ETFB: variants seen among roughly 807,000 people sequenced by gnomAD.
ETFB encodes the protein electron transfer flavoprotein subunit beta.
ETFB carries 20 observed loss-of-function variants against 25.6 expected under a neutral mutation model. The ratio of observed to expected loss-of-function variants is 0.78; its 90% CI spans 0.55 to 1.14. The LOEUF (loss-of-function observed/expected upper bound fraction) is 1.14, where lower values mean the gene tolerates loss of function less well. Ranked by LOEUF, ETFB falls within the 50% of genes most tolerant of loss-of-function variation. The pLI is 0.00. For synonymous variants in ETFB, 142 were observed against 146.7 expected, an observed-to-expected ratio of 0.97 and a Z score of 0.23; for missense variants, 286 against 342.6, an observed-to-expected ratio of 0.83 and a Z score of 1.30.
chr19:51,346,770 A>C (rs1413785211), intron 5 of ETFB, 130 bp downstream of exon 5: 4 of 873,922 alleles, frequency 4.6e-6, no homozygotes, highest in Non-Finnish European at 7.0e-6. Context: ...GCCAAACTCC[A>C]GGTGACGGCT....
chr19:51,363,551 C>T (rs1357418904), intron 1 of ETFB, among the ~76,000 whole-genome samples: 4 of 152,048 alleles, frequency 2.6e-5, no homozygotes, highest in East Asian at 3.9e-4. Context: ...CAGGTTCAAG[C>T]GATTCTCCTG....
At chr19:51,364,107 A>G (rs892004984) in intron 1 of ETFB, among the ~76,000 whole-genome samples, 19 of 151,982 alleles carry the variant, frequency 1.3e-4, no homozygotes, top group African/African-American at 4.3e-4. Context: ...GGCTGGGTAG[A>G]GGTGGGCTGA....
intron 1 of ETFB, among the ~76,000 whole-genome samples, chr19:51,361,994 G>A (rs565508963): frequency 6.6e-6 from 1 of 151,982 alleles, no homozygotes; most frequent in East Asian, 1.9e-4. Flanking sequence ...GAGCCACCAG[G>A]CCCAGCCTTT....
At chr19:51,354,716 C>A in intron 1 of ETFB, 1 of 1,551,518 alleles carries the variant, frequency 6.4e-7, no homozygotes, top group Non-Finnish European at 8.8e-7. Flanking sequence ...AAAGGAAAAA[C>A]CAGTTAGGTA....
rs559772565 is a variant in ETFB, at chr19:51,351,684, T to C, written c.376-1293A>G. 2.0e-5 allele frequency among the ~76,000 whole-genome samples: 3 copies of C among 152,362 alleles called. No homozygotes were observed. In the East Asian group the frequency reaches 5.8e-4, roughly 29 times the overall value. On this transcript the variant is annotated intron_variant, in intron 3 of 5. Transcript: ENST00000309244. ...GCCCTTCGGCCACAGTTGACTGATCTGTACTCTGATGCCCCTGCTGTTGAT... is the reference window on the plus strand; with the variant it reads ...GCCCTTCGGCCACAGTTGACTGATCCGTACTCTGATGCCCCTGCTGTTGAT...
intron 4 of ETFB, among the ~76,000 whole-genome samples, chr19:51,349,955 C>G (rs769600748): frequency 1.6e-4 from 25 of 152,034 alleles, no homozygotes; most frequent in South Asian, 4.2e-4. Flanking sequence ...ACATGTTGAC[C>G]AGGCTGGTCT....
chr19:51,356,618 A>T (rs1030436816), intron 1 of ETFB: 14 of 152,150 alleles, frequency 9.2e-5, no homozygotes, highest in African/African-American at 3.4e-4. Context: ...GATCCTGGGG[A>T]CACCATCATG....
intron 1 of ETFB, among the ~76,000 whole-genome samples, chr19:51,360,128 G>A (rs992019131): frequency 6.6e-5 from 10 of 151,946 alleles, no homozygotes; most frequent in East Asian, 1.9e-4. Flanking sequence ...AAAGCTGGGC[G>A]TGGCGGCTCA....
At chr19:51,349,648 T>A (rs1422246207) in intron 4 of ETFB, among the ~76,000 whole-genome samples, 1 of 151,958 alleles carries the variant, frequency 6.6e-6, no homozygotes, top group Non-Finnish European at 1.5e-5. Flanking sequence ...TCTAACTATG[T>A]TGCCAAGGCT....
At chr19:51,361,593 G>A (rs973507767) in intron 1 of ETFB, 4 of 152,076 alleles carry the variant, frequency 2.6e-5, no homozygotes, top group African/African-American at 7.2e-5. Context: ...GTTGGGCCCC[G>A]AGATGGAAAC....
intron 4 of ETFB, among the ~76,000 whole-genome samples, chr19:51,349,695 G>C (rs1169122389): frequency 6.6e-6 from 1 of 151,832 alleles, no homozygotes; most frequent in African/African-American, 2.4e-5. Flanking sequence ...TCCTCCCACC[G>C]TGGCCTCCCA....
At chr19:51,350,259 C>T (rs1985899153) in intron 4 of ETFB, 70 bp downstream of exon 4, 12 of 1,549,216 alleles carry the variant, frequency 7.7e-6, no homozygotes, top group Non-Finnish European at 7.9e-6. Flanking sequence ...ATGCAAAGGC[C>T]TTGAGGCAGA....
Position 51,366,289 on chromosome 19 carries a change from AC to A in ETFB, c.37del (p.Val13SerfsTer6). The part of the protein sequence containing the change: ...ELRVLVAVKR[V>X]IDYAVKIRVK... ...GATCACCTTCACGGCGTAGTCGATGACCCTCTTGACAGCTACGAGCACGCGC... is the reference window on the plus strand; with the variant it reads ...GATCACCTTCACGGCGTAGTCGATGACCTCTTGACAGCTACGAGCACGCGC... On this transcript the variant is annotated frameshift_variant, in exon 1 of 6. Coordinates refer to ENST00000309244, the MANE Select transcript of ETFB (RefSeq NM_001985.3). LOFTEE classifies it high-confidence loss of function. 1 of 1,613,456 alleles carries A rather than the reference AC, an allele frequency of 6.2e-7. No individual in the cohort carries two copies. Among genetic ancestry groups the A allele is most frequent in the South Asian group, 1.1e-5 (1 of 91,044 alleles).
intron 3 of ETFB, among the ~76,000 whole-genome samples, chr19:51,351,394 C>A (rs938287681): frequency 3.3e-5 from 5 of 152,240 alleles, no homozygotes; most frequent in Non-Finnish European, 7.3e-5. Flanking sequence ...CCCTGATTTA[C>A]GTGAGATAAT....
Position 51,350,386 on chromosome 19 carries a change from G to T in ETFB, c.381C>A (p.Ile127=). ...GCCCTGTCTGGTTACAGTCATCATC[G>T]ATGGCCTGAATGGGGAGAGACAGAA... ...VDLVLLGKQA[I]DDDCNQTGQM... The change falls in exon 4 of 6, where the codon ATC becomes ATA. Residue 127 remains isoleucine (I), a synonymous_variant. Transcript: ENST00000309244. The T allele has an allele frequency of 6.7e-7, 1 of 1,497,970 alleles. No individual in the cohort carries two copies. Among genetic ancestry groups the T allele is most frequent in the Non-Finnish European group, 9.3e-7 (1 of 1,077,140 alleles). 92.8% of individuals were successfully genotyped at this position (1,497,970 alleles called of 1,614,324 possible).
At position 51,350,407 on chromosome 19, in the gene ETFB, C is replaced by A. The variant is rs1236214772; in HGVS notation, c.376-16G>T. The A allele has an allele frequency of 7.7e-7, 1 of 1,294,872 alleles. No homozygotes were observed. The allele number at this position is 1,294,872 out of a possible 1,614,324, so 80.2% of individuals were successfully genotyped here. A position where few individuals can be genotyped will look rare whatever the true frequency, so the allele number is the denominator to read the frequency against. The stretch of plus-strand genomic sequence containing the variant: ...CATCGATGGCCTGAATGGGGAGAGA[C>A]AGAAGACTGTATGACAATCAGTGGA... On this transcript the variant is annotated splice_polypyrimidine_tract_variant and intron_variant, in intron 3 of 5. Transcript: ENST00000309244.
At chr19:51,350,413 A>T (rs1183921270) in intron 3 of ETFB, 22 bp from the exon 4 acceptor site, 1 of 1,241,238 alleles carries the variant, frequency 8.1e-7, no homozygotes, top group Non-Finnish European at 1.2e-6. Flanking sequence ...GAGACAGAAG[A>T]CTGTATGACA....
rs567433372 is a variant in ETFB at position 51,361,258 on chromosome 19, G to A, written c.57+5012C>T. On this transcript the variant is annotated intron_variant, in intron 1 of 5. Transcript: ENST00000309244. ...AGAGGGATTTTATAAAGTGATTTTC[G>A]ACAGCTCTTCCTGAACCCCTGACAC... is the stretch of plus-strand genomic sequence containing the variant. 1.3e-4 allele frequency among the ~76,000 whole-genome samples: 20 copies of A among 152,202 alleles called. 1 individual carries two copies. In the East Asian group the frequency reaches 1.4e-3, roughly 10 times the overall value.
intron 4 of ETFB, chr19:51,348,508 A>G (rs946144127): frequency 2.0e-5 from 3 of 152,122 alleles, no homozygotes; most frequent in African/African-American, 7.2e-5. Flanking sequence ...CAAAACTTAA[A>G]TTTTGGAGGG....
Sources: gnomAD v4.1 joint callset for allele counts (sites outside exome capture counted in the v4.1 genomes callset) on GRCh38, gnomAD v4.1.1 for gene constraint, MANE v1.5 for transcripts, NCBI Gene and HGNC (gene_info 2026-07-23, HGNC 2026-07-21) for gene names.